GALNTL6: variants seen among roughly 807,000 people sequenced by gnomAD.
The protein encoded by GALNTL6 is polypeptide N-acetylgalactosaminyltransferase like 6.
Under a neutral mutation model 73.7 loss-of-function variants are expected in GALNTL6, and 46 were observed. The ratio of observed to expected loss-of-function variants is 0.62; its 90% CI spans 0.49 to 0.80. The LOEUF (loss-of-function observed/expected upper bound fraction) is 0.80. Ranked by LOEUF, GALNTL6 falls within the 30% of genes least tolerant of loss-of-function variation. The probability of loss-of-function intolerance (pLI) is 0.00; values close to 1 mark genes in which losing one functional copy is unlikely to be tolerated. For synonymous variants in GALNTL6, 259 were observed against 263.7 expected (o/e 0.98, Z 0.17); for missense variants, 604 against 755.0 (o/e 0.80, Z 2.34).
intron 2 of GALNTL6, among the ~76,000 whole-genome samples, chr4:172,009,824 T>G (rs1349600387): frequency 1.3e-5 from 2 of 152,120 alleles, no homozygotes; most frequent in Non-Finnish European, 2.9e-5. Context: ...AGACTACCAT[T>G]GACTCAGGTG....
At chr4:172,123,500 A>ATTTTTTTTTTTTTTTTTTT in intron 2 of GALNTL6, among the ~76,000 whole-genome samples, 1 of 115,418 alleles carries the variant, frequency 8.7e-6, no homozygotes, top group Non-Finnish European at 1.7e-5. Flanking sequence ...AAAAGTCATA[A>ATTTTTTTTTTTTTTTTTTT]TTTTTTTTTT....
intron 5 of GALNTL6, among the ~76,000 whole-genome samples, chr4:172,791,972 C>T (rs1471571958): frequency 6.6e-6 from 1 of 152,194 alleles, no homozygotes; most frequent in Non-Finnish European, 1.5e-5. Flanking sequence ...CTCCTAAGCC[C>T]TCCATGCGAT....
chr4:172,032,741 GT>G (rs1054674843), intron 2 of GALNTL6, among the ~76,000 whole-genome samples: 7 of 151,796 alleles, frequency 4.6e-5, no homozygotes, highest in African/African-American at 9.7e-5. Context: ...GCATTAGAAT[GT>G]TTTTTTCCAA....
intron 2 of GALNTL6, among the ~76,000 whole-genome samples, chr4:171,867,002 A>T (rs1426707545): frequency 6.6e-6 from 1 of 152,184 alleles, no homozygotes; most frequent in Admixed American, 6.5e-5. Flanking sequence ...ATAAACTAAT[A>T]ATTATTATCT....
chr4:172,104,911 C>T (rs1034420446), intron 2 of GALNTL6, among the ~76,000 whole-genome samples: 5 of 152,208 alleles, frequency 3.3e-5, no homozygotes, highest in Admixed American at 3.3e-4. Flanking sequence ...GGGAATACCT[C>T]CACAACTGAT....
intron 5 of GALNTL6, among the ~76,000 whole-genome samples, chr4:172,744,812 A>G (rs1479637538): frequency 6.7e-6 from 1 of 149,264 alleles, no homozygotes; most frequent in African/African-American, 2.5e-5. Context: ...AACAAGACAC[A>G]AAAGGATAGA....
chr4:172,925,729 C>T (rs1748025976), intron 8 of GALNTL6, among the ~76,000 whole-genome samples: 1 of 152,158 alleles, frequency 6.6e-6, no homozygotes, highest in African/African-American at 2.4e-5. Context: ...CCCTGAGGCT[C>T]CAGGTAAGAG....
intron 10 of GALNTL6, 103 bp downstream of exon 10, chr4:172,952,361 T>A (rs1471162186): frequency 1.4e-6 from 1 of 703,930 alleles, no homozygotes; most frequent in Non-Finnish European, 2.4e-6. Flanking sequence ...ACTTTTACCC[T>A]GCAGCCAAGT....
chr4:172,212,668 A>T (rs1011733996), intron 2 of GALNTL6, among the ~76,000 whole-genome samples: 5 of 151,272 alleles, frequency 3.3e-5, no homozygotes, highest in Admixed American at 6.6e-5. Context: ...TTATATTTTT[A>T]TTTTATTTTA....
intron 5 of GALNTL6, among the ~76,000 whole-genome samples, chr4:172,671,062 A>G (rs987386258): frequency 6.6e-6 from 1 of 151,656 alleles, no homozygotes; most frequent in Non-Finnish European, 1.5e-5. Flanking sequence ...ACCCTGTAGT[A>G]TGGTTTGAAG....
At chr4:172,991,824 C>A (rs1000280272) in intron 10 of GALNTL6, among the ~76,000 whole-genome samples, 1 of 152,156 alleles carries the variant, frequency 6.6e-6, no homozygotes, top group African/African-American at 2.4e-5. Flanking sequence ...TGTTAAAAAG[C>A]AGATCAATAT....
intron 5 of GALNTL6, among the ~76,000 whole-genome samples, chr4:172,745,889 G>A (rs184448585): frequency 1.3e-5 from 2 of 152,230 alleles, no homozygotes; most frequent in Admixed American, 1.3e-4. Context: ...ATCATCCACA[G>A]TCAATGTGAG....
At chr4:173,007,978 A>C (rs1752375102) in intron 10 of GALNTL6, among the ~76,000 whole-genome samples, 1 of 152,186 alleles carries the variant, frequency 6.6e-6, no homozygotes, top group African/African-American at 2.4e-5. Flanking sequence ...CCACTCTGCA[A>C]ATTTTCAAAG....
At chr4:172,383,550 C>G (rs558535396) in intron 5 of GALNTL6, among the ~76,000 whole-genome samples, 1 of 152,072 alleles carries the variant, frequency 6.6e-6, no homozygotes, top group Non-Finnish European at 1.5e-5. Context: ...TGAGTCGTCA[C>G]GATTTTGCCT....
At chr4:172,512,494 G>C (rs910916658) in intron 5 of GALNTL6, among the ~76,000 whole-genome samples, 1 of 152,162 alleles carries the variant, frequency 6.6e-6, no homozygotes, top group African/African-American at 2.4e-5. Context: ...GTTGTTGCTT[G>C]AATACTCTTT....
At chr4:171,835,868 G>C (rs1275360698) in intron 2 of GALNTL6, among the ~76,000 whole-genome samples, 1 of 151,882 alleles carries the variant, frequency 6.6e-6, no homozygotes, top group African/African-American at 2.4e-5. Context: ...ATAGTTAACA[G>C]TAGTGATAAT....
chr4:172,349,845 A>ATAT (rs145824678), intron 5 of GALNTL6, among the ~76,000 whole-genome samples: 11 of 94,290 alleles, frequency 1.2e-4, no homozygotes, highest in East Asian at 9.5e-4. Flanking sequence ...ATATATATAT[A>ATAT]TTTTTTTTAA....
At chr4:171,998,304 C>T (rs1410202049) in intron 2 of GALNTL6, among the ~76,000 whole-genome samples, 1 of 152,082 alleles carries the variant, frequency 6.6e-6, no homozygotes. Context: ...GTTCATGTGA[C>T]TGTGGAGGTC....
In GALNTL6 at chr4:172,813,727, A is replaced by G; in HGVS notation, c.923+4A>G. On this transcript the variant is annotated splice_donor_region_variant and intron_variant, in intron 7 of 12. Coordinates refer to ENST00000506823, the MANE Select transcript of GALNTL6 (RefSeq NM_001034845.3). ...CAGATCCCAGCGACCCTTTTGAGTG[A>G]GTAGCAGCCAAGGGAGGGGCCGAGG... 1 of 1,588,908 alleles carries G rather than the reference A, an allele frequency of 6.3e-7. No homozygotes were observed. The highest frequency in any genetic ancestry group is 8.6e-7 in the Non-Finnish European group (1 of 1,160,276).
Sources: gnomAD v4.1 joint callset for allele counts (sites outside exome capture counted in the v4.1 genomes callset) on GRCh38, gnomAD v4.1.1 for gene constraint, MANE v1.5 for transcripts, NCBI Gene and HGNC (gene_info 2026-07-23, HGNC 2026-07-21) for gene names.